SYTL3: variants seen among roughly 807,000 people sequenced by gnomAD.
SYTL3 encodes synaptotagmin like 3.
Under a neutral mutation model 82.1 loss-of-function variants are expected in SYTL3, and 88 were observed. That is an observed-to-expected ratio of 1.07 (90% CI 0.90 to 1.28). SYTL3 has a LOEUF of 1.28. SYTL3 is among the 50% of genes most tolerant of loss of function. The pLI, the probability that SYTL3 is intolerant of heterozygous loss-of-function variation, is 0.00. For missense variants in SYTL3, 831 were observed against 757.6 expected, an observed-to-expected ratio of 1.10 and a Z score of -1.14; for synonymous variants, 311 against 289.4, an observed-to-expected ratio of 1.07 and a Z score of -0.76.
intron 5 of SYTL3, among the ~76,000 whole-genome samples, chr6:158,675,420 T>A (rs1027552416): frequency 3.9e-5 from 6 of 152,220 alleles, no homozygotes; most frequent in African/African-American, 1.4e-4. Flanking sequence ...CAATGATCAG[T>A]CTTTTTTTTC....
At chr6:158,665,129 C>A (rs1789872448) in intron 4 of SYTL3, among the ~76,000 whole-genome samples, 1 of 152,170 alleles carries the variant, frequency 6.6e-6, no homozygotes, top group Non-Finnish European at 1.5e-5. Flanking sequence ...CTGCCCCAGG[C>A]ATGTTATTTA....
At chr6:158,700,038 C>T (rs888519828) in intron 6 of SYTL3, among the ~76,000 whole-genome samples, 3 of 151,746 alleles carry the variant, frequency 2.0e-5, no homozygotes, top group South Asian at 2.1e-4. Flanking sequence ...GGCAGATAAC[C>T]TGAGGTCAGG....
intron 11 of SYTL3, among the ~76,000 whole-genome samples, chr6:158,743,588 C>A (rs1308709159): frequency 2.1e-5 from 3 of 146,262 alleles, no homozygotes; most frequent in East Asian, 1.9e-4. Flanking sequence ...TGCTGGTGCA[C>A]CAGTCCAAGC....
chr6:158,676,648 C>T (rs1275021620), intron 5 of SYTL3, among the ~76,000 whole-genome samples: 9 of 152,194 alleles, frequency 5.9e-5, no homozygotes, highest in African/African-American at 1.9e-4. Flanking sequence ...ATTTTTGCAA[C>T]CTACTCATCT....
rs376260554 is a variant in SYTL3, at chr6:158,663,378, G to A, written c.110G>A (p.Arg37Gln). 101 of 1,613,194 alleles carry A rather than the reference G, an allele frequency of 6.3e-5. No individual in the cohort carries two copies. The highest frequency in any genetic ancestry group is 5.2e-4 in the Admixed American group (31 of 59,972). ...AVQNTEEERT[R>Q]KLKTHLQHLR... ...CAAAACACAGAGGAGGAGAGGACAC[G>A]GTAGGCTGCCCTTCCCGGGGGGTCA... Residue 37 changes from arginine to glutamine, a missense_variant and splice_region_variant, in exon 4 of 18, where the codon CGG becomes CAG. Transcript: ENST00000611299.
At chr6:158,648,545 C>G (rs897514610), upstream of SYTL3, among the ~76,000 whole-genome samples, 1 of 149,122 alleles carries the variant, frequency 6.7e-6, no homozygotes, top group East Asian at 2.0e-4. Context: ...GAGCCGAGAT[C>G]GCGCCACTGC....
At chr6:158,743,862 C>T (rs1197987826) in intron 11 of SYTL3, among the ~76,000 whole-genome samples, 3 of 151,990 alleles carry the variant, frequency 2.0e-5, no homozygotes, top group African/African-American at 7.3e-5. Context: ...TTGTTTTGTT[C>T]TTAGCATTCA....
At chr6:158,701,983 T>C (rs1781361129) in intron 6 of SYTL3, among the ~76,000 whole-genome samples, 1 of 151,970 alleles carries the variant, frequency 6.6e-6, no homozygotes, top group East Asian at 1.9e-4. Context: ...CCTTCCCTTC[T>C]TGTTTTTGAG....
intron 11 of SYTL3, among the ~76,000 whole-genome samples, chr6:158,727,689 C>CTTTTTTTTTTTT (rs55657606): frequency 0.034 from 3,598 of 106,214 alleles, 409 homozygotes; most frequent in African/African-American, 0.056. Context: ...TCCAAGTACT[C>CTTTTTTTTTTTT]TTTTTTTTTT....
chr6:158,759,781 T>C (rs1430710191), intron 14 of SYTL3, among the ~76,000 whole-genome samples: 2 of 152,184 alleles, frequency 1.3e-5, no homozygotes, highest in African/African-American at 4.8e-5. Context: ...TGATCCCACC[T>C]TGGCCTCCCA....
At chr6:158,682,159 G>A (rs902505143) in intron 5 of SYTL3, among the ~76,000 whole-genome samples, 2 of 151,724 alleles carry the variant, frequency 1.3e-5, no homozygotes, top group African/African-American at 2.4e-5. Flanking sequence ...GGCTGGTCTC[G>A]ACTTCCTGAC....
At chr6:158,717,759 GCA>G (rs1253665975) in intron 9 of SYTL3, among the ~76,000 whole-genome samples, 2 of 152,152 alleles carry the variant, frequency 1.3e-5, no homozygotes, top group African/African-American at 4.8e-5. Context: ...TTGGATGAGT[GCA>G]CACACATATG....
At chr6:158,749,546 T>A (rs2128522730) in intron 12 of SYTL3, among the ~76,000 whole-genome samples, 1 of 124,024 alleles carries the variant, frequency 8.1e-6, no homozygotes, top group East Asian at 2.3e-4. Flanking sequence ...AAATGAGGTC[T>A]CACTATGTTG....
chr6:158,756,719 A>ATT (rs758259824), intron 13 of SYTL3, among the ~76,000 whole-genome samples: 566 of 48,550 alleles, frequency 0.012, 17 homozygotes, highest in African/African-American at 0.046. Flanking sequence ...TCAAAAAAAA[A>ATT]TTTTTTTTTT....
At chr6:158,649,821 G>T (rs1020093546), upstream of SYTL3, among the ~76,000 whole-genome samples, 8 of 152,184 alleles carry the variant, frequency 5.3e-5, no homozygotes, top group African/African-American at 1.9e-4. Context: ...CATCAGCCTG[G>T]TCTTTCCTCC....
chr6:158,744,834 T>C (rs912762174), intron 11 of SYTL3, among the ~76,000 whole-genome samples: 1 of 152,262 alleles, frequency 6.6e-6, no homozygotes, highest in South Asian at 2.1e-4. Flanking sequence ...TAACATTCAT[T>C]AGCCTCTCCT....
intron 6 of SYTL3, among the ~76,000 whole-genome samples, chr6:158,683,908 T>A (rs1385111132): frequency 6.6e-6 from 1 of 152,146 alleles, no homozygotes; most frequent in African/African-American, 2.4e-5. Context: ...TGTCTTATAA[T>A]GAGATGTTGA....
chr6:158,703,911 C>T (rs1437344812), intron 6 of SYTL3, among the ~76,000 whole-genome samples: 2 of 150,812 alleles, frequency 1.3e-5, no homozygotes, highest in Non-Finnish European at 2.9e-5. Flanking sequence ...GTAATCTGGG[C>T]TCACTGCAAC....
intron 3 of SYTL3, 139 bp downstream of exon 3, chr6:158,661,524 C>G (rs964654967): frequency 6.6e-6 from 1 of 152,160 alleles, no homozygotes; most frequent in Non-Finnish European, 1.5e-5. Flanking sequence ...GTTTTCTGTT[C>G]CTCATGCAAC....
Sources: gnomAD v4.1 joint callset for allele counts (sites outside exome capture counted in the v4.1 genomes callset) on GRCh38, gnomAD v4.1.1 for gene constraint, MANE v1.5 for transcripts, NCBI Gene and HGNC (gene_info 2026-07-23, HGNC 2026-07-21) for gene names.